Variants in MAGI1 observed in about 807,000 individuals in gnomAD.
MAGI1 encodes membrane associated guanylate kinase, WW and PDZ domain containing 1, also known as membrane-associated guanylate kinase, WW and PDZ domain-containing protein 1.
A neutral mutation model predicts 139.9 loss-of-function variants in MAGI1; 58 were observed. That is an observed-to-expected ratio of 0.41 (90% CI 0.34 to 0.52). MAGI1 has a LOEUF of 0.52. Ranked by LOEUF, MAGI1 falls within the 20% of genes least tolerant of loss-of-function variation. The pLI is 0.12. For synonymous variants in MAGI1, 812 were observed against 737.9 expected (o/e 1.10, Z -1.63); for missense variants, 1,874 against 1,901.6 (o/e 0.99, Z 0.27).
chr3:65,623,879 T>C (rs1343869154), intron 1 of MAGI1, among the ~76,000 whole-genome samples: 5 of 152,128 alleles, frequency 3.3e-5, no homozygotes, highest in African/African-American at 1.2e-4. Flanking sequence ...TTCAAACCAA[T>C]CTTAGGTCAT....
At chr3:65,749,847 G>A (rs762012374) in intron 1 of MAGI1, among the ~76,000 whole-genome samples, 4 of 152,042 alleles carry the variant, frequency 2.6e-5, no homozygotes, top group Non-Finnish European at 4.4e-5. Context: ...GATATGTTCT[G>A]GAATCCTTAT....
chr3:65,770,364 T>C (rs774012376), intron 1 of MAGI1, among the ~76,000 whole-genome samples: 123 of 152,188 alleles, frequency 8.1e-4, no homozygotes, highest in Non-Finnish European at 1.6e-3. Context: ...TTTAGTTGCC[T>C]TCTAGGTACC....
chr3:65,994,442 CCT>C (rs1030793584), intron 1 of MAGI1, among the ~76,000 whole-genome samples: 11 of 152,088 alleles, frequency 7.2e-5, no homozygotes, highest in East Asian at 3.8e-4. Flanking sequence ...CTAAGCACCC[CCT>C]GAGGTAGACA....
At chr3:65,884,815 A>G (rs1311892038) in intron 1 of MAGI1, among the ~76,000 whole-genome samples, 1 of 152,196 alleles carries the variant, frequency 6.6e-6, no homozygotes, top group Non-Finnish European at 1.5e-5. Flanking sequence ...ATGAGAGCAC[A>G]TGGAATTTGG....
chr3:65,580,972 C>A (rs1404540), intron 2 of MAGI1, among the ~76,000 whole-genome samples: 43,392 of 151,958 alleles, frequency 0.29, 6,336 homozygotes, highest in Admixed American at 0.36. Flanking sequence ...ATCTCAGTAA[C>A]GGATGACTCC....
At chr3:65,442,705 TATA>T in intron 8 of MAGI1, 84 bp downstream of exon 8, 1 of 898,814 alleles carries the variant, frequency 1.1e-6, no homozygotes, top group Non-Finnish European at 1.8e-6. Context: ...GTTTGTGCCT[TATA>T]ATGATGTCAG....
intron 1 of MAGI1, among the ~76,000 whole-genome samples, chr3:65,627,797 A>G (rs1378391276): frequency 2.6e-5 from 4 of 151,728 alleles, no homozygotes; most frequent in Non-Finnish European, 4.4e-5. Context: ...TGAGCCACTG[A>G]GCCCAGCTAT....
intron 2 of MAGI1, among the ~76,000 whole-genome samples, chr3:65,561,212 T>C (rs1395970486): frequency 6.6e-6 from 1 of 152,154 alleles, no homozygotes; most frequent in African/African-American, 2.4e-5. Context: ...TCAATAAATC[T>C]TCCCTATTTG....
intron 1 of MAGI1, among the ~76,000 whole-genome samples, chr3:66,005,146 T>G (rs1307699302): frequency 2.0e-5 from 3 of 152,160 alleles, no homozygotes; most frequent in Non-Finnish European, 4.4e-5. Context: ...GGGCAGCTGT[T>G]TTAAAGCAGT....
chr3:65,916,792 CACACACACAT>C (rs2061929447), intron 1 of MAGI1, among the ~76,000 whole-genome samples: 1 of 152,038 alleles, frequency 6.6e-6, no homozygotes, highest in South Asian at 2.1e-4. Context: ...CTAACACACA[CACACACACAT>C]ACACACACAC....
At chr3:65,775,707 G>T (rs2038360302) in intron 1 of MAGI1, among the ~76,000 whole-genome samples, 1 of 151,796 alleles carries the variant, frequency 6.6e-6, no homozygotes, top group African/African-American at 2.4e-5. Flanking sequence ...TTCAGAGGCG[G>T]AGGTGGGCGG....
chr3:65,993,019 C>T (rs978279412), intron 1 of MAGI1, among the ~76,000 whole-genome samples: 1 of 151,758 alleles, frequency 6.6e-6, no homozygotes, highest in Non-Finnish European at 1.5e-5. Context: ...TTAGTAGAGG[C>T]AGGGTCTCAC....
intron 1 of MAGI1, among the ~76,000 whole-genome samples, chr3:65,950,552 AAAAC>A (rs916214027): frequency 1.3e-5 from 2 of 152,222 alleles, no homozygotes; most frequent in African/African-American, 2.4e-5. Context: ...CTACAGGAGA[AAAAC>A]AAACAAAGAA....
chr3:65,469,400 C>G (rs1950407844), intron 5 of MAGI1, among the ~76,000 whole-genome samples: 1 of 151,648 alleles, frequency 6.6e-6, no homozygotes, highest in Non-Finnish European at 1.5e-5. Flanking sequence ...ATAATAAAGT[C>G]AAAATACTGC....
chr3:65,851,351 T>C (rs1175805280), intron 1 of MAGI1, among the ~76,000 whole-genome samples: 1 of 152,202 alleles, frequency 6.6e-6, no homozygotes, highest in African/African-American at 2.4e-5. Context: ...CTTGATTACC[T>C]TATTTTCTCC....
intron 2 of MAGI1, among the ~76,000 whole-genome samples, chr3:65,523,134 G>T (rs1482007362): frequency 6.6e-6 from 1 of 152,108 alleles, no homozygotes; most frequent in Non-Finnish European, 1.5e-5. Context: ...TATTATGTTT[G>T]CCAGAGTCTT....
At chr3:65,569,443 A>T in intron 2 of MAGI1, among the ~76,000 whole-genome samples, 1 of 152,210 alleles carries the variant, frequency 6.6e-6, no homozygotes. Flanking sequence ...TTTGTTATGT[A>T]TATTTTACCA....
At chr3:65,498,983 A>G in intron 2 of MAGI1, 3 of 984,418 alleles carry the variant, frequency 3.0e-6, no homozygotes, top group Non-Finnish European at 3.6e-6. Flanking sequence ...AACAACTTCT[A>G]GCACTCAAAA....
At chr3:65,461,126 C>T (rs11131024) in intron 5 of MAGI1, among the ~76,000 whole-genome samples, 151,470 of 152,328 alleles carry the variant, frequency 0.99, 75,317 homozygotes, top group Middle Eastern at 1. Flanking sequence ...ATTGCCACAC[C>T]GTCTTCCACA....
Sources: allele counts gnomAD v4.1 joint callset (sites outside exome capture counted in the v4.1 genomes callset), GRCh38; gene constraint gnomAD v4.1.1; transcripts MANE v1.5; gene names NCBI Gene and HGNC (gene_info 2026-07-23, HGNC 2026-07-21).